Variants in ARSG observed in about 807,000 individuals in gnomAD.
ARSG encodes ASG.
ARSG carries 37 observed loss-of-function variants against 50.5 expected under a neutral mutation model. The ratio of observed to expected loss-of-function variants is 0.73; its 90% CI spans 0.56 to 0.96. The LOEUF (loss-of-function observed/expected upper bound fraction) is 0.96, where lower values mean the gene tolerates loss of function less well. Ranked by LOEUF, ARSG falls within the 50% of genes least tolerant of loss-of-function variation. The pLI, the probability that ARSG is intolerant of heterozygous loss-of-function variation, is 0.00. For missense variants in ARSG, 629 were observed against 675.3 expected (o/e 0.93, Z 0.76); for synonymous variants, 225 against 254.6 (o/e 0.88, Z 1.11).
chr17:68,336,273 G>A (rs562352548), intron 2 of ARSG, among the ~76,000 whole-genome samples: 4 of 145,136 alleles, frequency 2.8e-5, no homozygotes, highest in Admixed American at 2.1e-4. Context: ...GCAGTGGCAC[G>A]ATCTCAGCTC....
chr17:68,447,080 A>G, the ARSG span, among the ~76,000 whole-genome samples: 1 of 152,136 alleles, frequency 6.6e-6, no homozygotes, highest in African/African-American at 2.4e-5. Context: ...TTTGAATTTC[A>G]TCTACTTTTC....
At chr17:68,325,371 C>A (rs1468703259) in intron 2 of ARSG, among the ~76,000 whole-genome samples, 1 of 152,030 alleles carries the variant, frequency 6.6e-6, no homozygotes, top group African/African-American at 2.4e-5. Flanking sequence ...TCAGGGCTCC[C>A]ACTTGTTCTA....
At chr17:68,388,575 A>C (rs116019015) in intron 9 of ARSG, among the ~76,000 whole-genome samples, 1,845 of 152,216 alleles carry the variant, frequency 0.012, 45 homozygotes, top group African/African-American at 0.043. Context: ...TCAGAGATGA[A>C]CTGGGGCAAT....
upstream of ARSG, among the ~76,000 whole-genome samples, chr17:68,290,610 C>A (rs908421792): frequency 6.6e-6 from 1 of 152,238 alleles, no homozygotes; most frequent in Non-Finnish European, 1.5e-5. Flanking sequence ...CAGGGAGCCC[C>A]ACTTTCCCTC....
At chr17:68,431,852 G>A in the ARSG span, among the ~76,000 whole-genome samples, 3 of 40,200 alleles carry the variant, frequency 7.5e-5, no homozygotes, top group Admixed American at 3.0e-4. Flanking sequence ...AGAGCCTGGA[G>A]TGGAAAATCA....
At chr17:68,304,203 A>G (rs904884762) in intron 1 of ARSG, among the ~76,000 whole-genome samples, 1 of 152,246 alleles carries the variant, frequency 6.6e-6, no homozygotes, top group Non-Finnish European at 1.5e-5. Flanking sequence ...TCTGTTGCAC[A>G]TGGTCAGAAG....
intron 11 of ARSG, among the ~76,000 whole-genome samples, chr17:68,412,696 G>C (rs1307568097): frequency 1.3e-5 from 2 of 151,996 alleles, no homozygotes; most frequent in African/African-American, 4.8e-5. Context: ...AGTTCTCCTG[G>C]ATAATATCCT....
chr17:68,327,781 G>A (rs146001743), intron 2 of ARSG, among the ~76,000 whole-genome samples: 1,616 of 152,264 alleles, frequency 0.011, 19 homozygotes, highest in Admixed American at 0.015. Context: ...TGATAGGTAG[G>A]TTGAGCCAGA....
the ARSG span, among the ~76,000 whole-genome samples, chr17:68,427,992 G>A: frequency 6.6e-6 from 1 of 151,992 alleles, no homozygotes; most frequent in Non-Finnish European, 1.5e-5. Context: ...CTGGGCTCAG[G>A]TGATCCCCCC....
At chr17:68,364,376 TG>T (rs1326130245) in intron 6 of ARSG, among the ~76,000 whole-genome samples, 1 of 152,208 alleles carries the variant, frequency 6.6e-6, no homozygotes, top group Non-Finnish European at 1.5e-5. Context: ...GTTGTTGTTT[TG>T]TTTTTTGTTT....
At chr17:68,421,106 C>T (rs1377235785), downstream of ARSG, 7 of 154,798 alleles carry the variant, frequency 4.5e-5, no homozygotes, top group Admixed American at 4.4e-4. Context: ...CAGATTTAGA[C>T]CAAAGTTAGG....
chr17:68,349,877 G>A (rs185668800), intron 4 of ARSG, among the ~76,000 whole-genome samples: 20 of 152,164 alleles, frequency 1.3e-4, no homozygotes, highest in East Asian at 7.7e-4. Flanking sequence ...CTGAGACTCC[G>A]TCTCAAAAAG....
chr17:68,389,157 G>A (rs2080873961), intron 9 of ARSG, among the ~76,000 whole-genome samples: 1 of 152,138 alleles, frequency 6.6e-6, no homozygotes, highest in Admixed American at 6.5e-5. Context: ...CTAACCACAT[G>A]TCGCCTTTCC....
rs138168062 is a variant in ARSG, at chr17:68,268,548, G to C, written c.-552+9122G>C. The stretch of plus-strand genomic sequence containing the variant: ...ACGGGAACCTTGGTATTTTACAAAG[G>C]GTTTAACAAAAACTATTTATTCATA... On this transcript the variant is annotated intron_variant, in intron 1 of 11. Coordinates refer to the ARSG transcript ENST00000448504. 869 of 152,116 alleles carry C rather than the reference G, an allele frequency of 5.7e-3. 4 individuals carry two copies. Among genetic ancestry groups the C allele is most frequent in the Non-Finnish European group, 7.0e-3 (476 of 68,186 alleles). 9.4% of individuals were successfully genotyped at this position (152,116 alleles called of 1,614,324 possible).
chr17:68,288,983 G>T (rs1555755004), upstream of ARSG, among the ~76,000 whole-genome samples: 1 of 152,174 alleles, frequency 6.6e-6, no homozygotes, highest in Non-Finnish European at 1.5e-5. Context: ...TCTGGAGGAA[G>T]TACAATGACA....
chr17:68,429,854 T>G, the ARSG span: 930,250 of 1,198,080 alleles, frequency 0.78, 362,256 homozygotes, highest in Admixed American at 0.83. Context: ...CTCCCAAGGT[T>G]CCGGGATTAC....
intron 8 of ARSG, among the ~76,000 whole-genome samples, chr17:68,382,080 A>G (rs763551702): frequency 6.6e-6 from 1 of 151,442 alleles, no homozygotes; most frequent in Non-Finnish European, 1.5e-5. Flanking sequence ...CCTCCTGAGT[A>G]GCTGGGATTA....
intron 6 of ARSG, among the ~76,000 whole-genome samples, chr17:68,361,504 A>G (rs748573068): frequency 6.6e-6 from 1 of 152,114 alleles, no homozygotes; most frequent in Non-Finnish European, 1.5e-5. Context: ...GCTTGAGCTC[A>G]GGCGTTCAAG....
intron 1 of ARSG, among the ~76,000 whole-genome samples, chr17:68,292,459 G>A (rs1555756613): frequency 6.6e-6 from 1 of 152,220 alleles, no homozygotes; most frequent in African/African-American, 2.4e-5. Context: ...GCCTGCGGGG[G>A]CGCAAACTTA....
Sources: allele counts gnomAD v4.1 joint callset (sites outside exome capture counted in the v4.1 genomes callset), GRCh38; gene constraint gnomAD v4.1.1; transcripts MANE v1.5; gene names NCBI Gene and HGNC (gene_info 2026-07-23, HGNC 2026-07-21).